KCNH1: variants seen among roughly 807,000 people sequenced by gnomAD.
KCNH1 encodes the protein potassium voltage-gated channel subfamily H member 1, also known as voltage-gated delayed rectifier potassium channel KCNH1.
KCNH1 carries 27 observed loss-of-function variants against 69.2 expected under a neutral mutation model. That is an observed-to-expected ratio of 0.39 (90% CI 0.29 to 0.54). KCNH1 has a LOEUF of 0.54. Among genes scored for constraint, KCNH1 ranks in the 20% least tolerant of loss-of-function variants. The pLI is 0.68. For synonymous variants in KCNH1, 456 were observed against 487.7 expected (o/e 0.93, Z 0.86); for missense variants, 798 against 1,261.6 (o/e 0.63, Z 5.57).
chr1:211,005,554 A>G (rs1419279425), intron 6 of KCNH1, among the ~76,000 whole-genome samples: 1 of 152,174 alleles, frequency 6.6e-6, no homozygotes, highest in Non-Finnish European at 1.5e-5. Flanking sequence ...CTGGATACCC[A>G]TCTGAGGAAA....
chr1:211,128,738 C>T (rs753344513), intron 1 of KCNH1, among the ~76,000 whole-genome samples: 10 of 152,118 alleles, frequency 6.6e-5, no homozygotes, highest in Admixed American at 2.6e-4. Context: ...CAATGCAAAA[C>T]TTATCAAAAG....
At chr1:211,000,367 T>C (rs184699804) in intron 6 of KCNH1, among the ~76,000 whole-genome samples, 1 of 151,998 alleles carries the variant, frequency 6.6e-6, no homozygotes, top group South Asian at 2.1e-4. Context: ...TATACACCAC[T>C]AACAGACAAA....
chr1:210,881,145 G>A (rs1273951442), intron 7 of KCNH1, among the ~76,000 whole-genome samples: 2 of 151,902 alleles, frequency 1.3e-5, no homozygotes, highest in Non-Finnish European at 2.9e-5. Context: ...AGCTTCCCAA[G>A]GCATGCTCCA....
chr1:210,688,684 T>G (rs919742822), intron 10 of KCNH1, among the ~76,000 whole-genome samples: 1 of 152,216 alleles, frequency 6.6e-6, no homozygotes, highest in African/African-American at 2.4e-5. Context: ...TTTTTTGAAC[T>G]CTTACATGAG....
At chr1:211,037,492 C>CTTTTTTTTTT (rs59386390) in intron 5 of KCNH1, among the ~76,000 whole-genome samples, 1 of 115,374 alleles carries the variant, frequency 8.7e-6, no homozygotes, top group African/African-American at 3.3e-5. Flanking sequence ...TAATTCAGTG[C>CTTTTTTTTTT]TTTTTTTTTT....
chr1:211,022,205 G>A (rs905566495), intron 5 of KCNH1, among the ~76,000 whole-genome samples: 5 of 152,014 alleles, frequency 3.3e-5, no homozygotes, highest in Admixed American at 6.6e-5. Flanking sequence ...CAACAAAGGC[G>A]CCAAGAATAT....
At chr1:210,997,769 C>T (rs1478485953) in intron 6 of KCNH1, among the ~76,000 whole-genome samples, 5 of 152,296 alleles carry the variant, frequency 3.3e-5, no homozygotes, top group East Asian at 1.9e-4. Flanking sequence ...AGAGAATGAT[C>T]GGGTTATCCA....
At chr1:211,125,018 C>A (rs534305574) in intron 1 of KCNH1, among the ~76,000 whole-genome samples, 40 of 152,290 alleles carry the variant, frequency 2.6e-4, no homozygotes, top group African/African-American at 9.6e-4. Context: ...TGTGCAGTAC[C>A]CCAGGGTTAG....
intron 6 of KCNH1, among the ~76,000 whole-genome samples, chr1:210,999,863 C>T (rs917530476): frequency 6.6e-6 from 1 of 152,160 alleles, no homozygotes; most frequent in Non-Finnish European, 1.5e-5. Flanking sequence ...GTTCAACATA[C>T]CCAAACCAAT....
chr1:211,067,723 C>A (rs1212197441), intron 5 of KCNH1, among the ~76,000 whole-genome samples: 1 of 152,166 alleles, frequency 6.6e-6, no homozygotes, highest in East Asian at 1.9e-4. Flanking sequence ...AAAGCCTGGT[C>A]GCCCTCATAT....
At chr1:210,942,558 T>A (rs896437432) in intron 6 of KCNH1, among the ~76,000 whole-genome samples, 4 of 152,192 alleles carry the variant, frequency 2.6e-5, no homozygotes, top group Non-Finnish European at 4.4e-5. Context: ...AAGAGAAGAA[T>A]CTGAATTATC....
At chr1:210,966,047 T>A (rs560653871) in intron 6 of KCNH1, among the ~76,000 whole-genome samples, 7 of 152,088 alleles carry the variant, frequency 4.6e-5, no homozygotes, top group African/African-American at 1.7e-4. Flanking sequence ...TACAGACCAA[T>A]GGAACAGAAT....
chr1:210,751,148 G>A lies in KCNH1; in HGVS notation c.2112+24200C>T, dbSNP rs142232496. Among the ~76,000 whole-genome samples the A allele has an allele frequency of 2.2e-4, 33 of 152,274 alleles. No homozygotes were observed. In the East Asian group the frequency reaches 6.4e-3, roughly 29 times the overall value. On this transcript the variant is annotated intron_variant, in intron 10 of 10. Coordinates refer to ENST00000271751, the MANE Select transcript of KCNH1 (RefSeq NM_172362.3). ...ATGTCTGGGGTTCCAGTACTCCCAGGCCCTCTTTGATGTGGTGTAGGAAAC... is the reference window on the plus strand; with the variant it reads ...ATGTCTGGGGTTCCAGTACTCCCAGACCCTCTTTGATGTGGTGTAGGAAAC...
intron 5 of KCNH1, 48 bp from the exon 6 acceptor site, chr1:211,019,304 G>A (rs1689548010): frequency 8.2e-7 from 1 of 1,224,042 alleles, no homozygotes; most frequent in African/African-American, 1.5e-5. Context: ...GGATTTAATT[G>A]CAAGTATCTA....
intron 1 of KCNH1, among the ~76,000 whole-genome samples, chr1:211,117,810 C>T (rs1042293991): frequency 2.6e-5 from 4 of 152,058 alleles, no homozygotes; most frequent in African/African-American, 9.7e-5. Flanking sequence ...ATGCTTCTGG[C>T]AGCAATAAAA....
intron 6 of KCNH1, among the ~76,000 whole-genome samples, chr1:211,007,523 G>A (rs1003616558): frequency 4.6e-5 from 7 of 152,058 alleles, no homozygotes; most frequent in African/African-American, 7.2e-5. Flanking sequence ...TGGTCCTCCC[G>A]TTTCCCACTC....
intron 10 of KCNH1, among the ~76,000 whole-genome samples, chr1:210,771,395 T>G (rs1321842042): frequency 6.6e-6 from 1 of 152,172 alleles, no homozygotes; most frequent in Non-Finnish European, 1.5e-5. Context: ...ACCTCTTCAC[T>G]GTCAGGAGCT....
intron 6 of KCNH1, among the ~76,000 whole-genome samples, chr1:210,981,901 G>A (rs183057477): frequency 3.9e-5 from 6 of 152,224 alleles, no homozygotes; most frequent in African/African-American, 1.4e-4. Context: ...TGTATGTGTG[G>A]TCACATGTAT....
intron 10 of KCNH1, among the ~76,000 whole-genome samples, chr1:210,718,546 G>T (rs7539705): frequency 0.014 from 389 of 27,884 alleles, 17 homozygotes; most frequent in Admixed American, 0.025. Flanking sequence ...ATACATATAT[G>T]TATATATATA....
Sources: allele counts gnomAD v4.1 joint callset (sites outside exome capture counted in the v4.1 genomes callset), GRCh38; gene constraint gnomAD v4.1.1; transcripts MANE v1.5; gene names NCBI Gene and HGNC (gene_info 2026-07-23, HGNC 2026-07-21).